The following C12orf42 variants were observed in gnomAD, a reference collection of about 807,000 sequenced individuals.
The protein encoded by C12orf42 is uncharacterized protein C12orf42.
Under a neutral mutation model 21.6 loss-of-function variants are expected in C12orf42, and 25 were observed. The ratio of observed to expected loss-of-function variants is 1.16; its 90% CI spans 0.84 to 1.62. C12orf42 has a LOEUF of 1.62. C12orf42 is among the 40% of genes most tolerant of loss of function. The pLI is 0.00. For missense variants in C12orf42, 483 were observed against 459.3 expected (o/e 1.05, Z -0.47); for synonymous variants, 174 against 175.0 (o/e 0.99, Z 0.05).
At chr12:103,143,129 A>G in the C12orf42 span, among the ~76,000 whole-genome samples, 2 of 152,198 alleles carry the variant, frequency 1.3e-5, no homozygotes, top group South Asian at 2.1e-4. Context: ...AAAGGGGAAA[A>G]AATGGGAAAG....
At chr12:103,522,209 G>C in the C12orf42 span, among the ~76,000 whole-genome samples, 1 of 152,088 alleles carries the variant, frequency 6.6e-6, no homozygotes, top group African/African-American at 2.4e-5. Context: ...CTATATAAAG[G>C]GTTTCCCCTT....
At chr12:103,194,566 C>T in the C12orf42 span, among the ~76,000 whole-genome samples, 12 of 151,920 alleles carry the variant, frequency 7.9e-5, no homozygotes, top group East Asian at 9.6e-4. Flanking sequence ...ATTTCATTTA[C>T]GATAGCATCA....
intron 1 of C12orf42, among the ~76,000 whole-genome samples, chr12:103,493,100 T>C (rs1245552162): frequency 6.6e-6 from 1 of 152,230 alleles, no homozygotes; most frequent in Non-Finnish European, 1.5e-5. Context: ...CTTTCCATTC[T>C]TTCCTTCATT....
the C12orf42 span, among the ~76,000 whole-genome samples, chr12:103,525,713 G>C: frequency 6.6e-6 from 1 of 152,078 alleles, no homozygotes; most frequent in African/African-American, 2.4e-5. Context: ...AAATAATTTT[G>C]TCAATATGAT....
intron 2 of C12orf42, among the ~76,000 whole-genome samples, chr12:103,411,458 C>T (rs888311292): frequency 2.0e-5 from 3 of 152,090 alleles, no homozygotes; most frequent in African/African-American, 7.2e-5. Flanking sequence ...GTGATACAAA[C>T]AATTATTGCT....
chr12:103,167,874 G>C, the C12orf42 span, among the ~76,000 whole-genome samples: 14 of 123,730 alleles, frequency 1.1e-4, no homozygotes, highest in Admixed American at 1.2e-3. Context: ...TCTCTGAGGG[G>C]TGGGCGTGTG....
chr12:103,133,704 T>C, the C12orf42 span, among the ~76,000 whole-genome samples: 1 of 152,192 alleles, frequency 6.6e-6, no homozygotes, highest in Non-Finnish European at 1.5e-5. Context: ...CTTGGCTGCA[T>C]CCCCATCCAA....
At chr12:103,540,742 A>G in the C12orf42 span, among the ~76,000 whole-genome samples, 1 of 152,138 alleles carries the variant, frequency 6.6e-6, no homozygotes, top group Non-Finnish European at 1.5e-5. Context: ...GACAGTCTTT[A>G]TATTTCAACT....
intron 2 of C12orf42, among the ~76,000 whole-genome samples, chr12:103,427,258 G>A (rs187926257): frequency 2.1e-4 from 31 of 144,758 alleles, no homozygotes; most frequent in African/African-American, 7.6e-4. Flanking sequence ...AAGGGATGGA[G>A]GAATATTTAC....
At chr12:103,133,780 T>C in the C12orf42 span, among the ~76,000 whole-genome samples, 5 of 152,306 alleles carry the variant, frequency 3.3e-5, no homozygotes, top group African/African-American at 7.2e-5. Flanking sequence ...TGGGAGGTAA[T>C]TGAATCATGG....
At chr12:103,362,076 C>G (rs367981054) in intron 4 of C12orf42, among the ~76,000 whole-genome samples, 1 of 152,106 alleles carries the variant, frequency 6.6e-6, no homozygotes, top group Non-Finnish European at 1.5e-5. Context: ...ATTAAACAAC[C>G]AAAATTAAGG....
chr12:103,235,290 C>T (rs916134798), downstream of C12orf42, among the ~76,000 whole-genome samples: 2 of 152,092 alleles, frequency 1.3e-5, no homozygotes, highest in East Asian at 1.9e-4. Context: ...AGATTTGTCC[C>T]TATTTTCTGT....
At chr12:103,286,246 A>G (rs1429578700) in intron 4 of C12orf42, among the ~76,000 whole-genome samples, 2 of 148,092 alleles carry the variant, frequency 1.4e-5, no homozygotes, top group African/African-American at 5.1e-5. Context: ...GCAAGACTCC[A>G]TCTCAAAAAA....
intron 4 of C12orf42, among the ~76,000 whole-genome samples, chr12:103,316,517 G>A (rs2039512654): frequency 6.6e-6 from 1 of 151,980 alleles, no homozygotes; most frequent in Admixed American, 6.6e-5. Flanking sequence ...GAAAAGACTT[G>A]GAGAAGGAAT....
chr12:103,237,234 TG>T (rs2033496501), downstream of C12orf42, among the ~76,000 whole-genome samples: 1 of 152,122 alleles, frequency 6.6e-6, no homozygotes, highest in Non-Finnish European at 1.5e-5. Flanking sequence ...CTTTTCCTGG[TG>T]GGCTTGAATG....
chr12:103,115,116 T>C, the C12orf42 span, among the ~76,000 whole-genome samples: 1 of 152,220 alleles, frequency 6.6e-6, no homozygotes, highest in South Asian at 2.1e-4. Context: ...AAAAAGGGAA[T>C]AAAGTCTTTA....
intron 2 of C12orf42, among the ~76,000 whole-genome samples, chr12:103,435,161 G>C (rs915147228): frequency 5.3e-5 from 8 of 152,138 alleles, no homozygotes; most frequent in Non-Finnish European, 8.8e-5. Context: ...CACACAGCAG[G>C]GTATTCCAAC....
the C12orf42 span, among the ~76,000 whole-genome samples, chr12:103,105,146 G>C: frequency 1.6e-4 from 25 of 152,022 alleles, no homozygotes; most frequent in African/African-American, 6.0e-4. Context: ...CTTCTACCCT[G>C]GTGTGTAGAA....
chr12:103,326,408 G>A (rs2040709149), intron 4 of C12orf42, among the ~76,000 whole-genome samples: 1 of 152,170 alleles, frequency 6.6e-6, no homozygotes, highest in African/African-American at 2.4e-5. Flanking sequence ...AGCTAAATCA[G>A]ATCCTGTTGC....
Sources: gnomAD v4.1 joint callset for allele counts (sites outside exome capture counted in the v4.1 genomes callset) on GRCh38, gnomAD v4.1.1 for gene constraint, MANE v1.5 for transcripts, NCBI Gene and HGNC (gene_info 2026-07-23, HGNC 2026-07-21) for gene names.